The following ANKHD1 variants were observed in gnomAD, a reference collection of about 807,000 sequenced individuals.
The protein encoded by ANKHD1 is ankyrin repeat and KH domain containing 1.
Under a neutral mutation model 230.5 loss-of-function variants are expected in ANKHD1, and 31 were observed. The ratio of observed to expected loss-of-function variants is 0.13; its 90% CI spans 0.10 to 0.18. The LOEUF is 0.18. ANKHD1 is among the 10% of genes least tolerant of loss of function. The pLI is 1.00. For synonymous variants in ANKHD1, 1,074 were observed against 1,117.6 expected (o/e 0.96, Z 0.78); for missense variants, 2,256 against 3,071.3 (o/e 0.73, Z 6.27).
chr5:140,438,591 C>T lies in ANKHD1; in HGVS notation c.591C>T (p.Asn197=), dbSNP rs1313600370. The stretch of plus-strand genomic sequence containing the variant: ...CACTGACACGGATGAAAGCAGAAAA[C>T]AGCCACAATGCAGGACAAGTGGACA... The part of the protein sequence containing the change: ...AAALTRMKAE[N]SHNAGQVDTR... Residue 197 remains asparagine, a synonymous_variant, in exon 3 of 34, where the codon AAC becomes AAT. Transcript: ENST00000360839. The T allele has an allele frequency of 6.2e-7, 1 of 1,608,990 alleles. No homozygotes were observed. The highest frequency in any genetic ancestry group is 8.5e-7 in the Non-Finnish European group (1 of 1,176,882).
intron 13 of ANKHD1, chr5:140,486,014 G>GTT (rs147701836): frequency 3.3e-6 from 1 of 301,878 alleles, no homozygotes; most frequent in Admixed American, 5.3e-5. Context: ...GTTTTTCAGG[G>GTT]TTTTTTATTT....
chr5:140,458,996 GCATATATATATATATATATATATATATA>G (rs1775490856), intron 8 of ANKHD1, 134 bp downstream of exon 8: 1 of 14,348 alleles, frequency 7.0e-5, no homozygotes, highest in Admixed American at 9.9e-4. Flanking sequence ...ATATATATAT[GCATATATATATATATATATATATATATA>G]TATATTGCAT....
intron 7 of ANKHD1, among the ~76,000 whole-genome samples, chr5:140,451,250 A>G (rs1432468890): frequency 6.6e-6 from 1 of 152,228 alleles, no homozygotes; most frequent in East Asian, 1.9e-4. Context: ...TAGGCACAAT[A>G]GCAGTTCCTT....
chr5:140,422,807 C>CT (rs1172246298), intron 1 of ANKHD1, among the ~76,000 whole-genome samples: 3 of 121,304 alleles, frequency 2.5e-5, no homozygotes, highest in African/African-American at 8.1e-5. Flanking sequence ...AAGACTCTGT[C>CT]TTGGGGGGGA....
At chr5:140,412,962 A>T (rs1392588307) in intron 1 of ANKHD1, among the ~76,000 whole-genome samples, 1 of 152,204 alleles carries the variant, frequency 6.6e-6, no homozygotes. Flanking sequence ...AAAGTTTTCC[A>T]CTTACTGAAT....
chr5:140,439,971 A>G, intron 3 of ANKHD1, 148 bp from the exon 4 acceptor site: 2 of 1,049,710 alleles, frequency 1.9e-6, no homozygotes, highest in South Asian at 7.3e-5. Context: ...GTTGCAGACA[A>G]AATGCTCAGC....
chr5:140,505,007 G>A lies in ANKHD1; in HGVS notation c.3150+41G>A, dbSNP rs750943443. ...TATTTAAACTTATTTTGCACATTCT[G>A]ATCTTCTTTGGAAAGGAAAATTATT... is the stretch of plus-strand genomic sequence containing the variant. On this transcript the variant is annotated intron_variant, in intron 16 of 33. Transcript: ENST00000360839. 24 of 1,609,728 alleles carry A rather than the reference G, an allele frequency of 1.5e-5. No individual in the cohort carries two copies. In the East Asian group the frequency reaches 5.1e-4, roughly 34 times the overall value.
In ANKHD1 at chr5:140,538,146, C is replaced by G; in HGVS notation, c.7289C>G (p.Ser2430Ter). The G allele has an allele frequency of 1.2e-6, 2 of 1,614,126 alleles. No homozygotes were observed. Among genetic ancestry groups the G allele is most frequent in the Non-Finnish European group, 1.7e-6 (2 of 1,180,010 alleles). Residue 2430 changes from serine (S) to a stop codon, truncating the protein, a stop_gained, in exon 32 of 34, where the codon TCA (serine) becomes TGA (stop). Coordinates refer to ENST00000360839, the MANE Select transcript of ANKHD1 (RefSeq NM_017747.3). LOFTEE classifies it high-confidence loss of function. Reference protein sequence around the residue: ...MGNHPMHQQLSDPSTFSQHQP... With the variant: ...MGNHPMHQQL ...AACCATCCAATGCATCAACAATTATCAGACCCAAGCACATTCTCCCAACAT... is the reference window on the plus strand; with the variant it reads ...AACCATCCAATGCATCAACAATTATGAGACCCAAGCACATTCTCCCAACAT...
In ANKHD1 at chr5:140,505,136, T is replaced by C; in HGVS notation, c.3165T>C (p.His1055=). The C allele has an allele frequency of 6.2e-7, 1 of 1,614,042 alleles. No individual in the cohort carries two copies. The highest frequency in any genetic ancestry group is 1.1e-5 in the South Asian group (1 of 91,014). ...VDIDAHTESN[H]DTALTLACAG... ...TCTTCTCCTAGACTGAGAGCAATCA[T>C]GACACAGCATTAACACTAGCTTGTG... The change falls in exon 17 of 34, where the codon CAT becomes CAC. Residue 1055 remains histidine (H), a synonymous_variant. Coordinates refer to ENST00000360839, the MANE Select transcript of ANKHD1 (RefSeq NM_017747.3).
chr5:140,453,549 G>A (rs1024973664), intron 7 of ANKHD1, among the ~76,000 whole-genome samples: 3 of 152,148 alleles, frequency 2.0e-5, no homozygotes, highest in Non-Finnish European at 4.4e-5. Flanking sequence ...AGAGAATGGG[G>A]CCCAATATTC....
rs747212907 is a variant in ANKHD1, at chr5:140,458,581, CA to C, written c.1243-38del. On this transcript the variant is annotated intron_variant, in intron 7 of 33. Transcript: ENST00000360839. ...TCTCCCACTTAAAAAAATCTCAAAA[CA>C]AAAAATTTCTCTCCTTCTTTCTTTA... 6.4e-6 allele frequency: 10 copies of C among 1,557,202 alleles called. No homozygotes were observed. The South Asian group carries it at 1.1e-4, about 17-fold the overall frequency.
intron 1 of ANKHD1, 55 bp downstream of exon 1, chr5:140,402,328 G>C: frequency 7.1e-7 from 1 of 1,416,222 alleles, no homozygotes; most frequent in East Asian, 2.9e-5. Context: ...ATTCTCTTTG[G>C]GTAGGCTCTG....
Position 140,507,768 on chromosome 5 carries a change from C to T in ANKHD1, c.3552-17C>T, listed in dbSNP as rs752639909. ...CAACATATTATTTTAATTTTCTAAGCACATTTCCCCCTTTAGGACTGGGAG... is the reference window on the plus strand; with the variant it reads ...CAACATATTATTTTAATTTTCTAAGTACATTTCCCCCTTTAGGACTGGGAG... On this transcript the variant is annotated splice_polypyrimidine_tract_variant and intron_variant, in intron 19 of 33. Coordinates refer to ENST00000360839, the MANE Select transcript of ANKHD1 (RefSeq NM_017747.3). This position sits in a 1 kb window ranked among gnomAD's most constrained non-coding sequence, Gnocchi z 4.1. 6.2e-7 allele frequency: 1 copy of T among 1,607,004 alleles called. No individual in the cohort carries two copies. The highest frequency in any genetic ancestry group is 2.2e-5 in the East Asian group (1 of 44,710).
At position 140,443,467 on chromosome 5, in the gene ANKHD1, G is replaced by A. The variant is rs185822539; in HGVS notation, c.914-2275G>A. Among the ~76,000 whole-genome samples the A allele has an allele frequency of 7.0e-3, 1,059 of 151,760 alleles. 14 individuals are homozygous for A. The highest frequency in any genetic ancestry group is 0.024 in the African/African-American group (1,007 of 41,440). ...GCACTTTGGGAGGCTGAGGTGGGAG[G>A]ATCACGAGGTCAGGAGATCGAGACT... On this transcript the variant is annotated intron_variant, in intron 5 of 33. Coordinates refer to ENST00000360839, the MANE Select transcript of ANKHD1 (RefSeq NM_017747.3).
Position 140,496,580 on chromosome 5 carries a change from T to G in ANKHD1, c.2306T>G (p.Phe769Cys). 6.2e-7 allele frequency: 1 copy of G among 1,613,310 alleles called. No individual in the cohort carries two copies. The highest frequency in any genetic ancestry group is 8.5e-7 in the Non-Finnish European group (1 of 1,179,862). The change falls in exon 15 of 34, where the codon TTT becomes TGT. Residue 769 changes from phenylalanine to cysteine, a missense_variant. This residue lies in a region of ANKHD1 where 358 missense variants were observed against 397.7 expected (regional missense o/e 0.90). Coordinates refer to ENST00000360839, the MANE Select transcript of ANKHD1 (RefSeq NM_017747.3). ...GCAGATCAGGACCTACTGCCATCTT[T>G]TCACCCATACCAGCCTTTGGAGTGC... ...QVADQDLLPS[F>C]HPYQPLECIV... is the part of the protein sequence containing the mutation.
In ANKHD1 at chr5:140,507,650, T is replaced by C; in HGVS notation, c.3552-135T>C. ...TGTGACATTTTCTTATTCTTTATTA[T>C]TGGTCGAAACAAGTAAAATCTATTC... On this transcript the variant is annotated intron_variant, in intron 19 of 33. Coordinates refer to ENST00000360839, the MANE Select transcript of ANKHD1 (RefSeq NM_017747.3). This position sits in a 1 kb window ranked among gnomAD's most constrained non-coding sequence, Gnocchi z 4.1. 1.8e-6 allele frequency: 2 copies of C among 1,085,930 alleles called. No homozygotes were observed. The highest frequency in any genetic ancestry group is 3.4e-5 in the South Asian group (2 of 59,302). The allele number at this position is 1,085,930 out of a possible 1,614,324, so 67.3% of individuals were successfully genotyped here. A position where few individuals can be genotyped will look rare whatever the true frequency, so the allele number is the denominator to read the frequency against.
chr5:140,457,800 G>A (rs10074378), intron 7 of ANKHD1, among the ~76,000 whole-genome samples: 133,384 of 151,764 alleles, frequency 0.88, 58,807 homozygotes, highest in Middle Eastern at 0.96. Context: ...ACACGTATAC[G>A]TATGTAACAA....
At chr5:140,430,638 T>C (rs1199149893) in intron 1 of ANKHD1, among the ~76,000 whole-genome samples, 1 of 148,072 alleles carries the variant, frequency 6.8e-6, no homozygotes, top group Non-Finnish European at 1.5e-5. Context: ...CACGTAGCTA[T>C]AAATGGTTTC....
At chr5:140,407,818 A>G (rs1366424400) in intron 1 of ANKHD1, among the ~76,000 whole-genome samples, 1 of 152,150 alleles carries the variant, frequency 6.6e-6, no homozygotes, top group African/African-American at 2.4e-5. Context: ...TGTCGTAAGA[A>G]TGAATGTGTG....
Sources: allele counts gnomAD v4.1 joint callset (sites outside exome capture counted in the v4.1 genomes callset), GRCh38; gene constraint gnomAD v4.1.1; regional missense constraint gnomAD v4.1.1; non-coding constraint Gnocchi (gnomAD v3.1); transcripts MANE v1.5; gene names NCBI Gene and HGNC (gene_info 2026-07-23, HGNC 2026-07-21).